The following FCHO2 variants were observed in gnomAD, a reference collection of about 807,000 sequenced individuals.
FCHO2 encodes F-BAR domain only protein 2.
In FCHO2, 43 loss-of-function variants were observed where a neutral mutation model predicts 114.1. The ratio of observed to expected loss-of-function variants is 0.38; its 90% CI spans 0.30 to 0.49. The LOEUF is 0.49. Among genes scored for constraint, FCHO2 ranks in the 20% least tolerant of loss-of-function variants. FCHO2 has a pLI of 0.97. For synonymous variants in FCHO2, 293 were observed against 315.2 expected (o/e 0.93, Z 0.75); for missense variants, 807 against 950.4 (o/e 0.85, Z 1.98).
At chr5:72,988,539 G>GT (rs1753655890) in intron 2 of FCHO2, among the ~76,000 whole-genome samples, 1 of 152,078 alleles carries the variant, frequency 6.6e-6, no homozygotes, top group African/African-American at 2.4e-5. Context: ...GGCTGTGGAT[G>GT]TTTTTTACGG....
chr5:72,991,917 TAAC>T (rs1753834696), intron 5 of FCHO2, among the ~76,000 whole-genome samples: 3 of 152,204 alleles, frequency 2.0e-5, no homozygotes, highest in Admixed American at 1.3e-4. Context: ...AGTTAATTTT[TAAC>T]AACAGATGAT....
intron 1 of FCHO2, among the ~76,000 whole-genome samples, chr5:72,959,393 A>T (rs1411251004): frequency 6.6e-6 from 1 of 152,114 alleles, no homozygotes. Flanking sequence ...CTGTAGTCCC[A>T]GCTACTTGGA....
In FCHO2 at chr5:73,087,723, CTT is replaced by C; in HGVS notation, c.2382_2383del (p.Ser795LeufsTer22). 1 of 1,591,770 alleles carries C rather than the reference CTT, an allele frequency of 6.3e-7. No individual in the cohort carries two copies. The highest frequency in any genetic ancestry group is 8.5e-7 in the Non-Finnish European group (1 of 1,171,594). On this transcript the variant is annotated frameshift_variant, in exon 25 of 26. Transcript: ENST00000430046. LOFTEE classifies it high-confidence loss of function. ...DFELVGTGYR[L>X]SLIKKRFATG... ...CGAACTTGTGGGCACTGGCTATAGG[CTT>C]TCCTTAATAAAGAAGCGGTTTGCTA...
intron 2 of FCHO2, among the ~76,000 whole-genome samples, chr5:72,974,219 C>G (rs1257783318): frequency 6.3e-5 from 9 of 142,256 alleles, no homozygotes; most frequent in African/African-American, 1.8e-4. Context: ...TCTATTAGGT[C>G]CACTTGGTGC....
intron 17 of FCHO2, among the ~76,000 whole-genome samples, chr5:73,059,862 G>A (rs1052921923): frequency 6.6e-6 from 1 of 151,914 alleles, no homozygotes; most frequent in Non-Finnish European, 1.5e-5. Context: ...TGATGTTGTT[G>A]CCAGATCTCT....
At chr5:73,044,006 C>T (rs965900993) in intron 11 of FCHO2, among the ~76,000 whole-genome samples, 90 of 152,064 alleles carry the variant, frequency 5.9e-4, no homozygotes, top group African/African-American at 1.8e-3. Flanking sequence ...TAGATCTCCC[C>T]CTCGCTGTTC....
intron 20 of FCHO2, 106 bp from the exon 21 acceptor site, chr5:73,077,232 G>T: frequency 1.2e-6 from 1 of 857,018 alleles, no homozygotes; most frequent in Non-Finnish European, 1.7e-6. Flanking sequence ...ACACATATAG[G>T]TGCGTGTGTG....
chr5:73,059,996 A>G (rs968305304), intron 17 of FCHO2, among the ~76,000 whole-genome samples: 4 of 151,958 alleles, frequency 2.6e-5, no homozygotes, highest in African/African-American at 9.7e-5. Flanking sequence ...AAGTTTTCAA[A>G]TTGGTATCAC....
intron 2 of FCHO2, among the ~76,000 whole-genome samples, chr5:72,981,246 CTCTT>C (rs1364252649): frequency 6.6e-6 from 1 of 152,120 alleles, no homozygotes; most frequent in Non-Finnish European, 1.5e-5. Flanking sequence ...GAAAAGTCTT[CTCTT>C]TAAGAATGTT....
At chr5:72,976,151 C>G (rs1482177376) in intron 2 of FCHO2, among the ~76,000 whole-genome samples, 1 of 152,144 alleles carries the variant, frequency 6.6e-6, no homozygotes, top group Non-Finnish European at 1.5e-5. Flanking sequence ...GGTCAGTATT[C>G]TAGATTTTGG....
rs555309491 is a variant in FCHO2 at position 73,051,549 on chromosome 5, G to T, written c.997+143G>T. 277 of 592,392 alleles carry T rather than the reference G, an allele frequency of 4.7e-4. 1 individual carries two copies. The highest frequency in any genetic ancestry group is 9.8e-5 in the African/African-American group (5 of 50,762). 36.7% of individuals were successfully genotyped at this position (592,392 alleles called of 1,614,324 possible). On this transcript the variant is annotated intron_variant, in intron 12 of 25. Transcript: ENST00000430046. ...TTGTTTGTCATTTGACATGTTTTTT[G>T]TTGTTGTTGTTTTTTGTTTTTTTTG...
intron 2 of FCHO2, among the ~76,000 whole-genome samples, chr5:72,970,442 C>T (rs2112608768): frequency 6.6e-6 from 1 of 151,904 alleles, no homozygotes; most frequent in Non-Finnish European, 1.5e-5. Flanking sequence ...AATACTTATT[C>T]TTCTCTTCAC....
At chr5:72,963,919 T>G (rs556534140) in intron 1 of FCHO2, among the ~76,000 whole-genome samples, 1,478 of 146,792 alleles carry the variant, frequency 0.01, 26 homozygotes, top group African/African-American at 0.035. Flanking sequence ...TTTTTTTTTT[T>G]TTTTTTTTTT....
chr5:73,044,447 C>G (rs1756962078), intron 11 of FCHO2, among the ~76,000 whole-genome samples: 1 of 152,118 alleles, frequency 6.6e-6, no homozygotes, highest in Non-Finnish European at 1.5e-5. Context: ...ACTATGTTAT[C>G]CAGGCTTGTT....
intron 24 of FCHO2, among the ~76,000 whole-genome samples, chr5:73,083,423 T>C (rs1435959660): frequency 6.6e-6 from 1 of 152,246 alleles, no homozygotes; most frequent in Non-Finnish European, 1.5e-5. Flanking sequence ...ATACTTCTTA[T>C]ATTTACATGC....
intron 1 of FCHO2, among the ~76,000 whole-genome samples, chr5:72,959,764 TC>T (rs1751749410): frequency 6.6e-6 from 1 of 151,802 alleles, no homozygotes; most frequent in African/African-American, 2.4e-5. Flanking sequence ...TTCTCTTCTC[TC>T]TCTTCTCTTC....
At chr5:72,980,279 G>A (rs1483171498) in intron 2 of FCHO2, among the ~76,000 whole-genome samples, 4 of 152,192 alleles carry the variant, frequency 2.6e-5, no homozygotes, top group Non-Finnish European at 5.9e-5. Context: ...TTATTCCTGA[G>A]TTCTAATTTG....
rs1278925270 is a variant in FCHO2, at chr5:73,052,482, A to C, written c.1148A>C (p.Asn383Thr). 6.3e-7 allele frequency: 1 copy of C among 1,594,128 alleles called. No homozygotes were observed. The highest frequency in any genetic ancestry group is 1.3e-5 in the African/African-American group (1 of 74,710). Residue 383 changes from asparagine (N) to threonine (T), a missense_variant, in exon 13 of 26, where the codon AAT (asparagine) becomes ACT (threonine). By Grantham distance (65) the Asn-to-Thr change is moderately conservative. Transcript: ENST00000430046. Reference protein sequence around the residue: ...SLDELKVSIGNITLSPAISRH... With the variant: ...SLDELKVSIGTITLSPAISRH... ...GATGAATTAAAAGTATCTATAGGGA[A>C]TATAACACTCTCCCCAGCAATATCT...
At chr5:72,975,363 G>C (rs1205528217) in intron 2 of FCHO2, among the ~76,000 whole-genome samples, 1 of 152,154 alleles carries the variant, frequency 6.6e-6, no homozygotes, top group Non-Finnish European at 1.5e-5. Flanking sequence ...GTCTAGCTCT[G>C]TCACCCAGGC....
Sources: gnomAD v4.1 joint callset for allele counts (sites outside exome capture counted in the v4.1 genomes callset) on GRCh38, gnomAD v4.1.1 for gene constraint, MANE v1.5 for transcripts, NCBI Gene and HGNC (gene_info 2026-07-23, HGNC 2026-07-21) for gene names.